EPHA6: variants seen among roughly 807,000 people sequenced by gnomAD.
EPHA6 encodes ephrin type-A receptor 6.
EPHA6 carries 50 observed loss-of-function variants against 112.0 expected under a neutral mutation model. The ratio of observed to expected loss-of-function variants is 0.45; its 90% CI spans 0.36 to 0.56. The LOEUF (loss-of-function observed/expected upper bound fraction) is 0.56. Ranked by LOEUF, EPHA6 falls within the 20% of genes least tolerant of loss-of-function variation. The pLI, the probability that EPHA6 is intolerant of heterozygous loss-of-function variation, is 0.00. For synonymous variants in EPHA6, 529 were observed against 490.7 expected (o/e 1.08, Z -1.03); for missense variants, 1,280 against 1,417.4 (o/e 0.90, Z 1.56).
At chr3:97,319,716 A>G (rs1377414265) in intron 5 of EPHA6, among the ~76,000 whole-genome samples, 20 of 151,456 alleles carry the variant, frequency 1.3e-4, no homozygotes, top group Non-Finnish European at 8.8e-5. Flanking sequence ...AAAAAACAAA[A>G]CAAAACGAAA....
chr3:97,701,112 T>A (rs2033359080), intron 14 of EPHA6, among the ~76,000 whole-genome samples: 1 of 152,180 alleles, frequency 6.6e-6, no homozygotes, highest in Admixed American at 6.5e-5. Flanking sequence ...CTAGGCATAG[T>A]CTAAGTATTT....
chr3:96,965,032 A>G (rs1344088583), intron 2 of EPHA6, among the ~76,000 whole-genome samples: 1 of 152,158 alleles, frequency 6.6e-6, no homozygotes, highest in Non-Finnish European at 1.5e-5. Context: ...GAAATGATGT[A>G]CAGAAATCGG....
chr3:97,338,201 A>T (rs556548833), intron 5 of EPHA6, among the ~76,000 whole-genome samples: 1 of 152,176 alleles, frequency 6.6e-6, no homozygotes, highest in East Asian at 1.9e-4. Flanking sequence ...ACAATTCTAT[A>T]TATCCATCTC....
intron 2 of EPHA6, among the ~76,000 whole-genome samples, chr3:96,929,283 AGCTAGTTATTTT>A: frequency 6.6e-6 from 1 of 152,306 alleles, no homozygotes; most frequent in African/African-American, 2.4e-5. Context: ...TCATGATGCT[AGCTAGTTATTTT>A]GCAGACTTGT....
rs1287318921 is a variant in EPHA6 at position 97,534,462 on chromosome 3, T to C, written c.2386+1919T>C. 1.6e-3 allele frequency among the ~76,000 whole-genome samples: 223 copies of C among 135,298 alleles called. 1 individual carries two copies. The highest frequency in any genetic ancestry group is 5.5e-3 in the African/African-American group (184 of 33,202). 88.8% of individuals were successfully genotyped at this position (135,298 alleles called of 152,430 possible). A position where few individuals can be genotyped will look rare whatever the true frequency, so the allele number is the denominator to read the frequency against. ...CTCACTTTAAAACCCACCCCCCCCT[T>C]TTTTTTTTTTTGCTTTTGCTATATC... On this transcript the variant is annotated intron_variant, in intron 11 of 17. Transcript: ENST00000389672.
chr3:97,341,279 T>TAA (rs1473061228), intron 5 of EPHA6, among the ~76,000 whole-genome samples: 1 of 151,322 alleles, frequency 6.6e-6, no homozygotes, highest in African/African-American at 2.4e-5. Context: ...AAGAAGGGGC[T>TAA]AAAAAAAAGC....
At chr3:96,978,947 GAGTTAA>G (rs1576228456) in intron 2 of EPHA6, among the ~76,000 whole-genome samples, 1 of 152,048 alleles carries the variant, frequency 6.6e-6, no homozygotes, top group East Asian at 1.9e-4. Flanking sequence ...CTTCATATTT[GAGTTAA>G]AGTTAATCTC....
intron 5 of EPHA6, among the ~76,000 whole-genome samples, chr3:97,332,056 A>G (rs1032855814): frequency 4.6e-5 from 7 of 152,168 alleles, no homozygotes; most frequent in Non-Finnish European, 8.8e-5. Flanking sequence ...AAGCTTATCC[A>G]CCATGATCAA....
intron 2 of EPHA6, among the ~76,000 whole-genome samples, chr3:96,958,691 C>A (rs1162674846): frequency 6.6e-6 from 1 of 152,086 alleles, no homozygotes; most frequent in East Asian, 1.9e-4. Flanking sequence ...TATAGATTTA[C>A]CTATAGTTGG....
At chr3:97,433,944 T>C (rs2089669104) in intron 6 of EPHA6, among the ~76,000 whole-genome samples, 1 of 152,152 alleles carries the variant, frequency 6.6e-6, no homozygotes, top group African/African-American at 2.4e-5. Flanking sequence ...ATTCAGGCCA[T>C]GGAGAAAATC....
chr3:97,511,880 A>G (rs1007223523), intron 10 of EPHA6, among the ~76,000 whole-genome samples: 3 of 152,162 alleles, frequency 2.0e-5, no homozygotes, highest in East Asian at 1.9e-4. Flanking sequence ...TTCATTTAAC[A>G]TCATTGAATT....
At position 97,748,577 on chromosome 3, in the gene EPHA6, T is replaced by C; in HGVS notation, c.3279-10T>C. The C allele has an allele frequency of 2.0e-6, 3 of 1,468,950 alleles. No individual in the cohort carries two copies. Among genetic ancestry groups the C allele is most frequent in the Non-Finnish European group, 2.9e-6 (3 of 1,050,162 alleles). The allele number at this position is 1,468,950 out of a possible 1,614,324, so 91.0% of individuals were successfully genotyped here. On this transcript the variant is annotated splice_polypyrimidine_tract_variant and intron_variant, in intron 17 of 17. Transcript: ENST00000389672. Reference sequence around the variant, plus strand: ...TCTCGCTCTCACTCTTGCTCTCTCCTTTCTTTCAGTGACATTAGAAGAATT... The same window carrying C: ...TCTCGCTCTCACTCTTGCTCTCTCCCTTCTTTCAGTGACATTAGAAGAATT...
At chr3:97,135,370 T>C (rs2075740973) in intron 3 of EPHA6, among the ~76,000 whole-genome samples, 1 of 152,190 alleles carries the variant, frequency 6.6e-6, no homozygotes, top group Non-Finnish European at 1.5e-5. Flanking sequence ...ACATAGCTCC[T>C]GTTGTTTTTC....
At chr3:97,305,354 A>G (rs756365331) in intron 5 of EPHA6, among the ~76,000 whole-genome samples, 1 of 152,066 alleles carries the variant, frequency 6.6e-6, no homozygotes, top group Non-Finnish European at 1.5e-5. Flanking sequence ...TGACCCAGCA[A>G]TCCCATTACT....
intron 1 of EPHA6, among the ~76,000 whole-genome samples, chr3:96,859,699 T>C (rs1207620208): frequency 6.6e-6 from 1 of 152,130 alleles, no homozygotes; most frequent in Non-Finnish European, 1.5e-5. Flanking sequence ...GGGATTGTTT[T>C]GGAGAGTATC....
intron 5 of EPHA6, among the ~76,000 whole-genome samples, chr3:97,383,627 A>G (rs1045880954): frequency 2.6e-5 from 4 of 152,104 alleles, no homozygotes; most frequent in African/African-American, 9.7e-5. Flanking sequence ...AATCTTCTAG[A>G]TTAGCATTCC....
At chr3:97,000,129 T>C (rs1042772891) in intron 3 of EPHA6, among the ~76,000 whole-genome samples, 1 of 151,824 alleles carries the variant, frequency 6.6e-6, no homozygotes, top group South Asian at 2.1e-4. Context: ...AGGCTATTAC[T>C]GTTGTGTAAT....
chr3:97,679,477 G>A (rs954389198), intron 14 of EPHA6, among the ~76,000 whole-genome samples: 3 of 152,104 alleles, frequency 2.0e-5, no homozygotes, highest in African/African-American at 7.2e-5. Context: ...CAAGGTTGCA[G>A]GAAGCTGTTT....
In EPHA6 at chr3:97,532,467, T is replaced by C. The variant is rs1324403551; in HGVS notation, c.2310T>C (p.Asp770=). The change falls in exon 11 of 18, where the codon GAT becomes GAC. Residue 770 remains aspartate, a synonymous_variant. Coordinates refer to ENST00000389672, the MANE Select transcript of EPHA6 (RefSeq NM_001080448.3). The stretch of plus-strand genomic sequence containing the variant: ...GCCACATGGATCGGCAAAGAAGAGA[T>C]TTTCTAAGAGAAGCTAGTATCATGG... ...KGGHMDRQRR[D]FLREASIMGQ... The C allele has an allele frequency of 6.2e-7, 1 of 1,612,374 alleles. No homozygotes were observed.
Sources: allele counts gnomAD v4.1 joint callset (sites outside exome capture counted in the v4.1 genomes callset), GRCh38; gene constraint gnomAD v4.1.1; transcripts MANE v1.5; gene names NCBI Gene and HGNC (gene_info 2026-07-23, HGNC 2026-07-21).